L3MBTL3: variants seen among roughly 807,000 people sequenced by gnomAD.
The protein encoded by L3MBTL3 is L3MBTL histone methyl-lysine binding protein 3.
A neutral mutation model predicts 102.3 loss-of-function variants in L3MBTL3; 27 were observed. The observed-to-expected ratio is 0.26, with a 90% confidence interval of 0.19 to 0.36. The LOEUF is 0.36. L3MBTL3 is among the 10% of genes least tolerant of loss of function. L3MBTL3 has a pLI of 1.00. For synonymous variants in L3MBTL3, 340 were observed against 320.9 expected, an observed-to-expected ratio of 1.06 and a Z score of -0.64; for missense variants, 798 against 955.3, an observed-to-expected ratio of 0.84 and a Z score of 2.17.
In L3MBTL3 at chr6:130,068,359, A is replaced by T; in HGVS notation, c.1030A>T (p.Thr344Ser). 1 of 1,603,078 alleles carries T rather than the reference A, an allele frequency of 6.2e-7. No individual in the cohort carries two copies. Among genetic ancestry groups the T allele is most frequent in the Middle Eastern group, 1.7e-4 (1 of 6,016 alleles). The change falls in exon 12 of 23, where the codon ACC (threonine) becomes TCC (serine). Residue 344 changes from threonine (T) to serine (S), a missense_variant. By Grantham distance (58) the Thr-to-Ser change is moderately conservative. This residue lies in a region of L3MBTL3 where 434 missense variants were observed against 506.6 expected (regional missense o/e 0.86). Coordinates refer to ENST00000361794, the MANE Select transcript of L3MBTL3 (RefSeq NM_032438.4). ...GYKEEEFNWQ[T>S]YLKTCKAQAA... ...TAAAGAAGAAGAATTCAATTGGCAG[A>T]CCTATCTTAAGACATGTAAAGCTCA...
chr6:130,076,775 C>G (rs544803328), intron 13 of L3MBTL3, among the ~76,000 whole-genome samples: 1 of 152,142 alleles, frequency 6.6e-6, no homozygotes, highest in African/African-American at 2.4e-5. Context: ...TCACAGCCTT[C>G]CAACTTTTGA....
At position 130,133,060 on chromosome 6, in the gene L3MBTL3, C is replaced by T. The variant is rs777857236; in HGVS notation, c.1967-392C>T. 6.6e-6 allele frequency among the ~76,000 whole-genome samples: 1 copy of T among 152,092 alleles called. No individual in the cohort carries two copies. The highest frequency in any genetic ancestry group is 1.5e-5 in the Non-Finnish European group (1 of 68,020). ...ATACATGGTAAGCACAGGTGTTAGA[C>T]GTGAGATGCAACTTGGCTGTTACCT... On this transcript the variant is annotated intron_variant, in intron 20 of 22. Coordinates refer to ENST00000361794, the MANE Select transcript of L3MBTL3 (RefSeq NM_032438.4). This position sits in a 1 kb window ranked among gnomAD's most constrained non-coding sequence, Gnocchi z 4.9.
intron 11 of L3MBTL3, among the ~76,000 whole-genome samples, chr6:130,067,841 G>C (rs535307108): frequency 6.6e-6 from 1 of 152,262 alleles, no homozygotes; most frequent in Non-Finnish European, 1.5e-5. Flanking sequence ...TAATTTGCCA[G>C]CATCCTTACT....
chr6:130,022,024 A>G (rs1779051441), intron 1 of L3MBTL3, among the ~76,000 whole-genome samples: 1 of 152,250 alleles, frequency 6.6e-6, no homozygotes, highest in South Asian at 2.1e-4. Context: ...AATTTAGGAC[A>G]TGGGAATGAT....
chr6:130,021,562 G>A (rs1562242420), intron 1 of L3MBTL3, among the ~76,000 whole-genome samples: 1 of 152,202 alleles, frequency 6.6e-6, no homozygotes, highest in Admixed American at 6.5e-5. Flanking sequence ...TAATTAACGA[G>A]TCTCAGCTGA....
At chr6:130,124,185 G>A (rs894017856) in intron 20 of L3MBTL3, among the ~76,000 whole-genome samples, 2 of 152,264 alleles carry the variant, frequency 1.3e-5, no homozygotes, top group Admixed American at 6.5e-5. Flanking sequence ...ATCCTCGGAT[G>A]TTTGCTGGGA....
At position 130,141,110 on chromosome 6, in the gene L3MBTL3, A is replaced by T. The variant is rs1470479108; in HGVS notation, c.*1357A>T. On this transcript the variant is annotated 3_prime_UTR_variant, in exon 23 of 23. Coordinates refer to ENST00000361794, the MANE Select transcript of L3MBTL3 (RefSeq NM_032438.4). Reference sequence around the variant, plus strand: ...TGATTCCAGGATTGGATATTTATTCAAGGACTATTTTAAAAATAGAAAGTA... The same window carrying T: ...TGATTCCAGGATTGGATATTTATTCTAGGACTATTTTAAAAATAGAAAGTA... 6.6e-6 allele frequency: 1 copy of T among 152,294 alleles called. No individual in the cohort carries two copies. The allele number at this position is 152,294 out of a possible 1,614,324, so 9.4% of individuals were successfully genotyped here.
intron 9 of L3MBTL3, among the ~76,000 whole-genome samples, chr6:130,058,036 G>A (rs1441119975): frequency 1.3e-5 from 2 of 151,262 alleles, no homozygotes; most frequent in South Asian, 2.1e-4. Flanking sequence ...CCAGCTACTC[G>A]GGAGGCTGAG....
intron 13 of L3MBTL3, among the ~76,000 whole-genome samples, chr6:130,073,449 T>C (rs1782758579): frequency 6.6e-6 from 1 of 152,116 alleles, no homozygotes; most frequent in South Asian, 2.1e-4. Context: ...GCTAAAACAA[T>C]GACTAGAATC....
At chr6:130,043,603 G>A (rs1032531721) in intron 3 of L3MBTL3, among the ~76,000 whole-genome samples, 7 of 152,126 alleles carry the variant, frequency 4.6e-5, no homozygotes, top group African/African-American at 1.4e-4. Flanking sequence ...GCACTTGATC[G>A]TTCAGGTATT....
intron 18 of L3MBTL3, among the ~76,000 whole-genome samples, chr6:130,102,900 G>A (rs889474490): frequency 2.6e-5 from 4 of 152,138 alleles, no homozygotes; most frequent in Non-Finnish European, 5.9e-5. Flanking sequence ...GTGTATAATT[G>A]TGTACTGCCG....
At chr6:130,094,409 C>T in intron 18 of L3MBTL3, 42 bp downstream of exon 18, 1 of 1,301,606 alleles carries the variant, frequency 7.7e-7, no homozygotes, top group Non-Finnish European at 1.1e-6. Flanking sequence ...TATAGGTGTT[C>T]CATATACATG....
Position 130,139,755 on chromosome 6 carries a change from GA to G in L3MBTL3, c.*3del, listed in dbSNP as rs761973561. Reference sequence around the variant, plus strand: ...AAGAATTCTCACAATGAACTTTGAAGATGGTGAATTCTGAATACCATCAGCA... The same window carrying G: ...AAGAATTCTCACAATGAACTTTGAAGTGGTGAATTCTGAATACCATCAGCA... On this transcript the variant is annotated 3_prime_UTR_variant, in exon 23 of 23. Transcript: ENST00000361794. 1.6e-5 allele frequency: 26 copies of G among 1,612,534 alleles called. No homozygotes were observed. The South Asian group carries it at 2.7e-4, about 17-fold the overall frequency.
chr6:130,033,755 A>G (rs945077573), intron 2 of L3MBTL3, among the ~76,000 whole-genome samples: 4 of 152,196 alleles, frequency 2.6e-5, no homozygotes, highest in South Asian at 4.1e-4. Flanking sequence ...TTTTTGAAAA[A>G]TGTACTTGTT....
intron 1 of L3MBTL3, among the ~76,000 whole-genome samples, chr6:130,019,632 C>G (rs1292910969): frequency 6.6e-6 from 1 of 150,498 alleles, no homozygotes; most frequent in Non-Finnish European, 1.5e-5. Flanking sequence ...CACTCACACG[C>G]ACGCACACAC....
chr6:130,125,233 A>G (rs1786514616), intron 20 of L3MBTL3, among the ~76,000 whole-genome samples: 1 of 152,168 alleles, frequency 6.6e-6, no homozygotes, highest in Non-Finnish European at 1.5e-5. Flanking sequence ...ATGTTTTTCA[A>G]GTTGAAATAG....
intron 5 of L3MBTL3, among the ~76,000 whole-genome samples, chr6:130,050,219 A>G (rs1373215894): frequency 6.6e-6 from 1 of 152,178 alleles, no homozygotes; most frequent in East Asian, 1.9e-4. Context: ...CTGACACTTC[A>G]CTGATTTCTC....
chr6:130,103,201 G>T (rs1247122064), intron 18 of L3MBTL3, among the ~76,000 whole-genome samples: 1 of 152,184 alleles, frequency 6.6e-6, no homozygotes, highest in Non-Finnish European at 1.5e-5. Flanking sequence ...AATGTCACTG[G>T]TTTTTGTTTT....
At chr6:130,038,919 A>G (rs1024782153) in intron 2 of L3MBTL3, among the ~76,000 whole-genome samples, 2 of 152,144 alleles carry the variant, frequency 1.3e-5, no homozygotes, top group African/African-American at 4.8e-5. Flanking sequence ...TGTTTTCTCT[A>G]CTTAAGGGGG....
Sources: allele counts gnomAD v4.1 joint callset (sites outside exome capture counted in the v4.1 genomes callset), GRCh38; gene constraint gnomAD v4.1.1; regional missense constraint gnomAD v4.1.1; non-coding constraint Gnocchi (gnomAD v3.1); transcripts MANE v1.5; gene names NCBI Gene and HGNC (gene_info 2026-07-23, HGNC 2026-07-21).